The following MYO1H variants were observed in gnomAD, a reference collection of about 807,000 sequenced individuals.
The protein encoded by MYO1H is unconventional myosin-Ih.
In MYO1H, 118 loss-of-function variants were observed where a neutral mutation model predicts 149.3. The observed-to-expected ratio is 0.79, with a 90% confidence interval of 0.68 to 0.92. The LOEUF is 0.92. Among genes scored for constraint, MYO1H ranks in the 40% least tolerant of loss-of-function variants. The pLI is 0.00. For missense variants in MYO1H, 1,212 were observed against 1,280.7 expected (o/e 0.95, Z 0.82); for synonymous variants, 447 against 465.2 (o/e 0.96, Z 0.50).
chr12:109,428,879 T>A (rs1176824235), intron 19 of MYO1H, among the ~76,000 whole-genome samples: 2 of 152,200 alleles, frequency 1.3e-5, no homozygotes, highest in African/African-American at 4.8e-5. Flanking sequence ...TGTCTATTTT[T>A]GCTGCTTTCT....
intron 1 of MYO1H, among the ~76,000 whole-genome samples, chr12:109,352,962 A>T (rs1464785618): frequency 6.6e-6 from 1 of 152,146 alleles, no homozygotes; most frequent in Non-Finnish European, 1.5e-5. Context: ...TATTACCTCA[A>T]AAGGTGTTCT....
chr12:109,372,978 G>T (rs1869019407), intron 1 of MYO1H, among the ~76,000 whole-genome samples: 1 of 152,004 alleles, frequency 6.6e-6, no homozygotes, highest in Non-Finnish European at 1.5e-5. Flanking sequence ...CACATTTGGT[G>T]ATAAACTTAT....
chr12:109,428,148 A>C (rs1417965112), intron 19 of MYO1H, among the ~76,000 whole-genome samples: 1 of 151,140 alleles, frequency 6.6e-6, no homozygotes, highest in Non-Finnish European at 1.5e-5. Context: ...TCTTCTGTTC[A>C]TTTCACTAAT....
chr12:109,386,995 C>CGT (rs55675476), intron 1 of MYO1H, among the ~76,000 whole-genome samples: 12,033 of 140,900 alleles, frequency 0.085, 647 homozygotes, highest in East Asian at 0.26. Flanking sequence ...ATCTCAAGTT[C>CGT]GTGTGTGTGT....
At position 109,427,899 on chromosome 12, in the gene MYO1H, A is replaced by AT. The variant is rs1566038875; in HGVS notation, c.1949+313_1949+314insT. 4.5e-4 allele frequency among the ~76,000 whole-genome samples: 23 copies of AT among 51,422 alleles called. 2 individuals are homozygous for AT. The highest frequency in any genetic ancestry group is 1.7e-3 in the African/African-American group (22 of 13,200). 33.7% of individuals were successfully genotyped at this position (51,422 alleles called of 152,430 possible). On this transcript the variant is annotated intron_variant, in intron 19 of 31. Transcript: ENST00000310903. ...ATCTCTACAAAAAAAAAAAAAAAAA[A>AT]AAAAAAAAAAATATATATATATATA...
At chr12:109,438,667 A>G in intron 23 of MYO1H, 47 bp downstream of exon 23, 1 of 1,400,632 alleles carries the variant, frequency 7.1e-7, no homozygotes. Context: ...AAATGCTGGT[A>G]CCCTGCAGGG....
At chr12:109,321,426 G>A in the MYO1H span, among the ~76,000 whole-genome samples, 2 of 150,190 alleles carry the variant, frequency 1.3e-5, no homozygotes, top group Admixed American at 6.6e-5. Context: ...GGTGACGGGC[G>A]CCTGTAATCC....
intron 17 of MYO1H, 87 bp downstream of exon 17, chr12:109,424,915 C>T: frequency 2.1e-6 from 2 of 973,642 alleles, no homozygotes; most frequent in South Asian, 2.7e-5. Flanking sequence ...AGCCACCTTC[C>T]CCTTTTCTGG....
intron 5 of MYO1H, among the ~76,000 whole-genome samples, chr12:109,399,475 C>T (rs889417606): frequency 1.3e-5 from 2 of 151,502 alleles, no homozygotes; most frequent in Non-Finnish European, 2.9e-5. Flanking sequence ...ACCTGTAGTC[C>T]CAGCTACTCA....
the MYO1H span, among the ~76,000 whole-genome samples, chr12:109,323,427 C>A: frequency 2.6e-5 from 4 of 152,340 alleles, no homozygotes; most frequent in East Asian, 5.8e-4. Context: ...TTCCCACCAG[C>A]TGAGTTGAAT....
At chr12:109,436,673 T>C in intron 22 of MYO1H, 117 bp downstream of exon 22, 1 of 688,976 alleles carries the variant, frequency 1.5e-6, no homozygotes, top group Non-Finnish European at 2.5e-6. Flanking sequence ...TGGTGCTATC[T>C]TGGGGTCCAG....
At chr12:109,399,541 C>T (rs1161546675) in intron 5 of MYO1H, among the ~76,000 whole-genome samples, 2 of 141,098 alleles carry the variant, frequency 1.4e-5, no homozygotes, top group African/African-American at 5.4e-5. Flanking sequence ...GCAGTGAGCC[C>T]AGATTGTGCC....
At chr12:109,401,677 T>C (rs1327901074) in intron 6 of MYO1H, among the ~76,000 whole-genome samples, 1 of 152,160 alleles carries the variant, frequency 6.6e-6, no homozygotes, top group East Asian at 1.9e-4. Context: ...CTGGATGTGA[T>C]AGAAACTCAC....
At chr12:109,310,883 A>G in the MYO1H span, among the ~76,000 whole-genome samples, 1 of 152,192 alleles carries the variant, frequency 6.6e-6, no homozygotes, top group Non-Finnish European at 1.5e-5. Flanking sequence ...CTCAGTTTTC[A>G]TCTCCCGCGA....
rs1871712006 is a variant in MYO1H at position 109,433,118 on chromosome 12, T to C, written c.2063+108T>C. ...TGGAGACTCGATTCCTAGGGATTTA[T>C]GGAGATTTGCGAGATTTATGCTTCA... On this transcript the variant is annotated intron_variant, in intron 20 of 31. Transcript: ENST00000310903. 5 of 895,648 alleles carry C rather than the reference T, an allele frequency of 5.6e-6. No homozygotes were observed. In the African/African-American group the frequency reaches 8.2e-5, roughly 15 times the overall value. 55.5% of individuals were successfully genotyped at this position (895,648 alleles called of 1,614,324 possible).
chr12:109,352,248 T>C (rs539168005), intron 1 of MYO1H, among the ~76,000 whole-genome samples: 2 of 152,264 alleles, frequency 1.3e-5, no homozygotes, highest in African/African-American at 2.4e-5. Flanking sequence ...GTATAGGAAA[T>C]TGTAAGAAAA....
intron 9 of MYO1H, among the ~76,000 whole-genome samples, chr12:109,407,329 T>A (rs1317470231): frequency 6.6e-6 from 1 of 152,044 alleles, no homozygotes; most frequent in Non-Finnish European, 1.5e-5. Flanking sequence ...CCCATGAAGG[T>A]CAGGACTGTG....
intron 5 of MYO1H, among the ~76,000 whole-genome samples, chr12:109,399,825 G>A (rs184128906): frequency 6.6e-6 from 1 of 152,168 alleles, no homozygotes; most frequent in East Asian, 1.9e-4. Flanking sequence ...TGAGGTGGGA[G>A]AATTGCTTGA....
Position 109,444,615 on chromosome 12 carries a change from C to T in MYO1H, c.2993+86C>T. ...AGCGTGGTGGCTCATGCCTATAATC[C>T]CAGCACTTTGGGAGGCTGAGGTGAG... is the stretch of plus-strand genomic sequence containing the variant. On this transcript the variant is annotated intron_variant, in intron 30 of 31. Transcript: ENST00000310903. 7 of 1,062,912 alleles carry T rather than the reference C, an allele frequency of 6.6e-6. 1 individual carries two copies. In the South Asian group the frequency reaches 8.0e-5, roughly 12 times the overall value. 65.8% of individuals were successfully genotyped at this position (1,062,912 alleles called of 1,614,324 possible). A position where few individuals can be genotyped will look rare whatever the true frequency, so the allele number is the denominator to read the frequency against.
Sources: allele counts gnomAD v4.1 joint callset (sites outside exome capture counted in the v4.1 genomes callset), GRCh38; gene constraint gnomAD v4.1.1; transcripts MANE v1.5; gene names NCBI Gene and HGNC (gene_info 2026-07-23, HGNC 2026-07-21).